TENM4: variants seen among roughly 807,000 people sequenced by gnomAD.
TENM4 encodes teneurin transmembrane protein 4.
In TENM4, 82 loss-of-function variants were observed where a neutral mutation model predicts 243.3. The observed-to-expected ratio is 0.34, with a 90% confidence interval of 0.28 to 0.40. The LOEUF is 0.40. Among genes scored for constraint, TENM4 ranks in the 10% least tolerant of loss-of-function variants. TENM4 has a pLI of 1.00. For missense variants in TENM4, 3,138 were observed against 3,673.3 expected (o/e 0.85, Z 3.77); for synonymous variants, 1,412 against 1,456.3 (o/e 0.97, Z 0.69).
At chr11:79,149,818 G>C (rs753488721) in intron 3 of TENM4, among the ~76,000 whole-genome samples, 5 of 152,092 alleles carry the variant, frequency 3.3e-5, no homozygotes, top group Non-Finnish European at 7.4e-5. Context: ...ATACACATTA[G>C]TTCCCTCACA....
chr11:78,880,300 A>G (rs1215276654), intron 9 of TENM4, among the ~76,000 whole-genome samples: 1 of 152,188 alleles, frequency 6.6e-6, no homozygotes, highest in Non-Finnish European at 1.5e-5. Context: ...TCAAGTACCC[A>G]GGGACACAAA....
intron 15 of TENM4, among the ~76,000 whole-genome samples, chr11:78,797,928 T>C (rs1012452980): frequency 6.6e-6 from 1 of 152,226 alleles, no homozygotes; most frequent in African/African-American, 2.4e-5. Flanking sequence ...TGTTTCCTTT[T>C]GATGTTTAAT....
intron 1 of TENM4, among the ~76,000 whole-genome samples, chr11:79,336,604 A>C (rs1857152146): frequency 6.6e-6 from 1 of 152,232 alleles, no homozygotes; most frequent in Non-Finnish European, 1.5e-5. Context: ...CTTTGGGCAA[A>C]TTACTTAATC....
chr11:79,326,012 C>T (rs950698188), intron 1 of TENM4, among the ~76,000 whole-genome samples: 4 of 152,220 alleles, frequency 2.6e-5, no homozygotes, highest in African/African-American at 7.2e-5. Context: ...GTCTCCTGTT[C>T]CCGCTTTGGG....
intron 3 of TENM4, among the ~76,000 whole-genome samples, chr11:79,201,094 GTAA>G (rs919232526): frequency 6.6e-6 from 1 of 152,220 alleles, no homozygotes; most frequent in African/African-American, 2.4e-5. Context: ...ATGGACATTA[GTAA>G]TTCCAGAAGT....
At chr11:79,434,263 C>T (rs1046423534) in intron 1 of TENM4, among the ~76,000 whole-genome samples, 3 of 152,088 alleles carry the variant, frequency 2.0e-5, no homozygotes, top group African/African-American at 4.8e-5. Context: ...AGGGAGACTC[C>T]GTGGGGTTGA....
chr11:78,776,435 T>A (rs543575862), intron 17 of TENM4, among the ~76,000 whole-genome samples: 1 of 152,286 alleles, frequency 6.6e-6, no homozygotes, highest in Admixed American at 6.5e-5. Flanking sequence ...AGGGACCATA[T>A]CTGTTATGTG....
chr11:79,397,717 T>C (rs1444775539), intron 1 of TENM4, among the ~76,000 whole-genome samples: 2 of 152,218 alleles, frequency 1.3e-5, no homozygotes, highest in African/African-American at 4.8e-5. Flanking sequence ...ACAGTACTTC[T>C]ATTGGCAATG....
Position 78,873,910 on chromosome 11 carries a change from C to T in TENM4, c.1085-10778G>A, listed in dbSNP as rs950673. On this transcript the variant is annotated intron_variant, in intron 9 of 33. Coordinates refer to ENST00000278550, the MANE Select transcript of TENM4 (RefSeq NM_001098816.3). ...GCTGATACGATGCCCTCTGCTTGAA[C>T]GGTCACCACCTTCTCTATTAAGAAA... Among the ~76,000 whole-genome samples, 113 of 152,100 alleles carry T rather than the reference C, an allele frequency of 7.4e-4. 1 individual carries two copies. In the East Asian group the frequency reaches 0.016, roughly 22 times the overall value.
chr11:79,369,114 C>T (rs58907055), intron 1 of TENM4, among the ~76,000 whole-genome samples: 42,357 of 152,016 alleles, frequency 0.28, 6,044 homozygotes, highest in Middle Eastern at 0.33. Flanking sequence ...AAGAACAGAC[C>T]ACATCCTAGC....
intron 4 of TENM4, among the ~76,000 whole-genome samples, chr11:79,087,712 C>T (rs1860841801): frequency 6.6e-6 from 1 of 152,258 alleles, no homozygotes; most frequent in Admixed American, 6.5e-5. Context: ...CTTCCTGCAG[C>T]TCACTGTACA....
Position 79,022,396 on chromosome 11 carries a change from G to GTC in TENM4, c.493+42340_493+42341dup, listed in dbSNP as rs370678408. ...CAGACCTTCAAAGGATGTGCCACCA[G>GTC]TCTCAGCTATGCAGTAAACAGTCCC... On this transcript the variant is annotated intron_variant, in intron 6 of 33. Transcript: ENST00000278550. 4.2e-3 allele frequency among the ~76,000 whole-genome samples: 638 copies of GTC among 152,234 alleles called. 4 individuals are homozygous for GTC. Among genetic ancestry groups the GTC allele is most frequent in the African/African-American group, 0.015 (620 of 41,528 alleles).
intron 15 of TENM4, among the ~76,000 whole-genome samples, chr11:78,790,908 C>G (rs959373076): frequency 6.6e-6 from 1 of 152,224 alleles, no homozygotes; most frequent in African/African-American, 2.4e-5. Flanking sequence ...CCCTTCCCAT[C>G]TGGAGACTAC....
At position 78,895,287 on chromosome 11, in the gene TENM4, C is replaced by T. The variant is rs151172180; in HGVS notation, c.750-3951G>A. Among the ~76,000 whole-genome samples, 1,437 of 150,236 alleles carry T rather than the reference C, an allele frequency of 9.6e-3. 11 individuals carry two copies. Among genetic ancestry groups the T allele is most frequent in the Admixed American group, 0.018 (275 of 14,996 alleles). ...GGAGGCAGAGGTTGCAGTGAGCCGG[C>T]GATTATGCCACTGCATTCCAGCCTG... On this transcript the variant is annotated intron_variant, in intron 7 of 33. Coordinates refer to ENST00000278550, the MANE Select transcript of TENM4 (RefSeq NM_001098816.3).
At chr11:79,432,859 G>A (rs1859197240) in intron 1 of TENM4, among the ~76,000 whole-genome samples, 1 of 152,198 alleles carries the variant, frequency 6.6e-6, no homozygotes. Flanking sequence ...GAGCCAGAGA[G>A]GCCTACCATC....
intron 6 of TENM4, among the ~76,000 whole-genome samples, chr11:79,054,602 C>A (rs556200744): frequency 3.9e-5 from 6 of 151,976 alleles, no homozygotes; most frequent in South Asian, 4.2e-4. Flanking sequence ...AGGCCCCTAC[C>A]TCAGTCTTCT....
At chr11:78,911,987 A>C (rs1337212947) in intron 6 of TENM4, among the ~76,000 whole-genome samples, 1 of 152,178 alleles carries the variant, frequency 6.6e-6, no homozygotes, top group Non-Finnish European at 1.5e-5. Flanking sequence ...AGCTTCTAGG[A>C]AGAGCAAGAA....
At chr11:79,222,714 G>A (rs1864186298) in intron 2 of TENM4, among the ~76,000 whole-genome samples, 1 of 152,150 alleles carries the variant, frequency 6.6e-6, no homozygotes, top group Admixed American at 6.5e-5. Flanking sequence ...GTGTGAGATG[G>A]TATCTCATTG....
intron 1 of TENM4, among the ~76,000 whole-genome samples, chr11:79,439,485 G>A (rs901431702): frequency 5.3e-5 from 8 of 152,084 alleles, no homozygotes; most frequent in Non-Finnish European, 1.2e-4. Context: ...CAAAGTTAAG[G>A]ACCACGCAGC....
Sources: allele counts gnomAD v4.1 joint callset (sites outside exome capture counted in the v4.1 genomes callset), GRCh38; gene constraint gnomAD v4.1.1; transcripts MANE v1.5; gene names NCBI Gene and HGNC (gene_info 2026-07-23, HGNC 2026-07-21).